The following KLHDC1 variants were observed in gnomAD, a reference collection of about 807,000 sequenced individuals.
KLHDC1 encodes the protein kelch domain-containing protein 1.
In KLHDC1, 53 loss-of-function variants were observed where a neutral mutation model predicts 68.3. The ratio of observed to expected loss-of-function variants is 0.78; its 90% CI spans 0.62 to 0.98. The LOEUF (loss-of-function observed/expected upper bound fraction) is 0.98. KLHDC1 is among the 50% of genes least tolerant of loss of function. The probability of loss-of-function intolerance (pLI) is 0.00; values close to 1 mark genes in which losing one functional copy is unlikely to be tolerated. For synonymous variants in KLHDC1, 148 were observed against 159.0 expected (o/e 0.93, Z 0.52); for missense variants, 470 against 492.3 (o/e 0.95, Z 0.43).
chr14:49,713,116 AT>A lies in KLHDC1; in HGVS notation c.404+2746del, dbSNP rs1325305597. On this transcript the variant is annotated intron_variant, in intron 4 of 12. Transcript: ENST00000359332. ...GGGCTCCCGCCACCACACCCGGGTAATTTTTTTTTTTGTATCTTTAGTAGAG... is the reference window on the plus strand; with the variant it reads ...GGGCTCCCGCCACCACACCCGGGTAATTTTTTTTTTGTATCTTTAGTAGAG... 5.2e-3 allele frequency among the ~76,000 whole-genome samples: 748 copies of A among 143,762 alleles called. 4 individuals are homozygous for A. Among genetic ancestry groups the A allele is most frequent in the African/African-American group, 0.017 (681 of 39,216 alleles). 94.3% of individuals were successfully genotyped at this position (143,762 alleles called of 152,430 possible).
At chr14:49,697,564 G>A (rs749418993) in intron 1 of KLHDC1, among the ~76,000 whole-genome samples, 16 of 152,336 alleles carry the variant, frequency 1.1e-4, no homozygotes, top group Non-Finnish European at 2.1e-4. Flanking sequence ...ATGCAGGGTT[G>A]CCACAAACCT....
chr14:49,720,284 C>A (rs1036513921), intron 4 of KLHDC1, among the ~76,000 whole-genome samples: 1 of 152,078 alleles, frequency 6.6e-6, no homozygotes, highest in African/African-American at 2.4e-5. Flanking sequence ...CAGCGCTCAG[C>A]CTTTTAAAAT....
chr14:49,707,957 A>C (rs1052466847), intron 1 of KLHDC1, among the ~76,000 whole-genome samples: 3 of 151,286 alleles, frequency 2.0e-5, no homozygotes, highest in Non-Finnish European at 4.4e-5. Context: ...CACCCGGCCT[A>C]TTTTTAAATT....
rs1383686838 is a variant in KLHDC1, at chr14:49,752,775, T to A, written c.*1003T>A. ...CCTAAAAATGGTACTTTTGGCATAA[T>A]TAAGAAATTTTTCTTCATATTATCA... On this transcript the variant is annotated 3_prime_UTR_variant, in exon 13 of 13. Coordinates refer to ENST00000359332, the MANE Select transcript of KLHDC1 (RefSeq NM_172193.3). 1 of 152,096 alleles carries A rather than the reference T, an allele frequency of 6.6e-6. No individual in the cohort carries two copies. Among genetic ancestry groups the A allele is most frequent in the Non-Finnish European group, 1.5e-5 (1 of 67,964 alleles). The allele number at this position is 152,096 out of a possible 1,614,324, so 9.4% of individuals were successfully genotyped here.
rs1887613380 is a variant in KLHDC1, at chr14:49,693,166, C to CGGCAAGCGGCG, written c.-25_-15dup. On this transcript the variant is annotated 5_prime_UTR_variant, in exon 1 of 13. Coordinates refer to ENST00000359332, the MANE Select transcript of KLHDC1 (RefSeq NM_172193.3). Reference sequence around the variant, plus strand: ...CGCCGGGCGGGCAGGGGTTGTGGCGCGGCAAGCGGCGGGCCAGCGACGGCG... The same window carrying CGGCAAGCGGCG: ...CGCCGGGCGGGCAGGGGTTGTGGCGCGGCAAGCGGCGGGCAAGCGGCGGGCCAGCGACGGCG... 6.4e-7 allele frequency: 1 copy of CGGCAAGCGGCG among 1,563,300 alleles called. No individual in the cohort carries two copies. Among genetic ancestry groups the CGGCAAGCGGCG allele is most frequent in the African/African-American group, 1.4e-5 (1 of 70,588 alleles).
At chr14:49,702,287 G>C (rs370433654) in intron 1 of KLHDC1, among the ~76,000 whole-genome samples, 1 of 152,048 alleles carries the variant, frequency 6.6e-6, no homozygotes, top group African/African-American at 2.4e-5. Context: ...TTACAATGAG[G>C]TTTTTCTTCT....
intron 4 of KLHDC1, among the ~76,000 whole-genome samples, chr14:49,723,232 A>G (rs1888580209): frequency 6.6e-6 from 1 of 151,126 alleles, no homozygotes; most frequent in Admixed American, 6.6e-5. Flanking sequence ...TGGGAATTCA[A>G]GATGAAATTT....
At chr14:49,744,438 T>G (rs1018816982) in intron 12 of KLHDC1, among the ~76,000 whole-genome samples, 1 of 152,146 alleles carries the variant, frequency 6.6e-6, no homozygotes, top group Non-Finnish European at 1.5e-5. Flanking sequence ...TTTCACATTT[T>G]AACTTTTTGG....
intron 4 of KLHDC1, among the ~76,000 whole-genome samples, chr14:49,714,153 T>C (rs976542540): frequency 6.6e-6 from 1 of 151,314 alleles, no homozygotes; most frequent in Admixed American, 6.6e-5. Flanking sequence ...AGCTAGAATA[T>C]ATAAATATGT....
At chr14:49,713,906 A>G (rs1457480376) in intron 4 of KLHDC1, among the ~76,000 whole-genome samples, 142 of 134,358 alleles carry the variant, frequency 1.1e-3, no homozygotes, top group African/African-American at 3.8e-3. Context: ...AGGCTGGAGC[A>G]CAGTGGCACG....
At chr14:49,701,060 C>T (rs777869505) in intron 1 of KLHDC1, among the ~76,000 whole-genome samples, 16 of 148,056 alleles carry the variant, frequency 1.1e-4, no homozygotes, top group Admixed American at 1.4e-4. Flanking sequence ...CCAGCCTGGG[C>T]GACAGAGTGA....
At chr14:49,732,117 C>T (rs1408986706) in intron 8 of KLHDC1, among the ~76,000 whole-genome samples, 1 of 151,280 alleles carries the variant, frequency 6.6e-6, no homozygotes, top group Non-Finnish European at 1.5e-5. Context: ...AAGGAAGCAG[C>T]TGATTAGCCA....
intron 12 of KLHDC1, among the ~76,000 whole-genome samples, chr14:49,746,899 C>G (rs943955506): frequency 6.6e-6 from 1 of 151,970 alleles, no homozygotes; most frequent in Non-Finnish European, 1.5e-5. Context: ...GGACTCTTCT[C>G]GGTTCTCCAA....
intron 2 of KLHDC1, 146 bp downstream of exon 2, chr14:49,709,375 C>T: frequency 2.0e-6 from 1 of 492,518 alleles, no homozygotes; most frequent in Non-Finnish European, 3.5e-6. Flanking sequence ...CTTTTATTTT[C>T]TGACTCTTTC....
rs567766837 is a variant in KLHDC1 at position 49,723,550 on chromosome 14, A to T, written c.405-324A>T. On this transcript the variant is annotated intron_variant, in intron 4 of 12. Transcript: ENST00000359332. ...GAAACCATGTCTCAAAAAATAAATT[A>T]AAAAAAATCTAATTTGCCATGCCAA... is the stretch of plus-strand genomic sequence containing the variant. Among the ~76,000 whole-genome samples the T allele has an allele frequency of 6.2e-3, 944 of 152,194 alleles. 2 individuals are homozygous for T. The highest frequency in any genetic ancestry group is 9.5e-3 in the Admixed American group (145 of 15,280).
chr14:49,731,967 A>G (rs1888819924), intron 8 of KLHDC1, among the ~76,000 whole-genome samples: 1 of 152,144 alleles, frequency 6.6e-6, no homozygotes, highest in Admixed American at 6.5e-5. Context: ...ATGTTTTGGG[A>G]AATTCTAGAA....
At chr14:49,737,711 A>T (rs1888961903) in intron 10 of KLHDC1, among the ~76,000 whole-genome samples, 1 of 151,370 alleles carries the variant, frequency 6.6e-6, no homozygotes, top group African/African-American at 2.4e-5. Flanking sequence ...AAAAAAAAAA[A>T]AAAATTAGCT....
chr14:49,734,051 A>G (rs1194793556), intron 9 of KLHDC1, among the ~76,000 whole-genome samples: 1 of 152,220 alleles, frequency 6.6e-6, no homozygotes, highest in African/African-American at 2.4e-5. Flanking sequence ...TTAATATCAT[A>G]TCTTCATGAT....
intron 4 of KLHDC1, among the ~76,000 whole-genome samples, chr14:49,722,589 T>C (rs1035528669): frequency 5.9e-5 from 9 of 152,248 alleles, no homozygotes; most frequent in Non-Finnish European, 2.9e-5. Context: ...CCAGGCGCCA[T>C]GGCTCAAGCC....
Sources: allele counts gnomAD v4.1 joint callset (sites outside exome capture counted in the v4.1 genomes callset), GRCh38; gene constraint gnomAD v4.1.1; transcripts MANE v1.5; gene names NCBI Gene and HGNC (gene_info 2026-07-23, HGNC 2026-07-21).